The following PLEKHB1 variants were observed in gnomAD, a reference collection of about 807,000 sequenced individuals.
The protein encoded by PLEKHB1 is pleckstrin homology domain containing B1.
A neutral mutation model predicts 36.2 loss-of-function variants in PLEKHB1; 29 were observed. The ratio of observed to expected loss-of-function variants is 0.80; its 90% CI spans 0.60 to 1.09. The LOEUF is 1.09. PLEKHB1 is among the 50% of genes least tolerant of loss of function. The probability of loss-of-function intolerance (pLI) is 0.00; values close to 1 mark genes in which losing one functional copy is unlikely to be tolerated. For missense variants in PLEKHB1, 330 were observed against 348.2 expected, an observed-to-expected ratio of 0.95 and a Z score of 0.42; for synonymous variants, 138 against 140.0, an observed-to-expected ratio of 0.99 and a Z score of 0.10.
chr11:73,651,454 G>A (rs537297891), intron 3 of PLEKHB1: 68 of 514,716 alleles, frequency 1.3e-4, no homozygotes, highest in South Asian at 8.8e-4. Context: ...CCCTCCAGGC[G>A]CTCGGTACTG....
At chr11:73,651,284 G>C (rs543823048) in intron 3 of PLEKHB1, 1 of 380,008 alleles carries the variant, frequency 2.6e-6, no homozygotes, top group Non-Finnish European at 5.3e-6. Context: ...TTGAGCCTGG[G>C]AGGCAGAGGT....
chr11:73,654,067 G>A (rs1367387767), intron 5 of PLEKHB1, among the ~76,000 whole-genome samples: 10 of 151,992 alleles, frequency 6.6e-5, no homozygotes, highest in Admixed American at 1.3e-4. Flanking sequence ...GGTAGGGAAT[G>A]GATTATAGAG....
At chr11:73,651,501 C>T in intron 3 of PLEKHB1, 2 of 603,172 alleles carry the variant, frequency 3.3e-6, no homozygotes, top group South Asian at 1.5e-5. Context: ...CCCAGAGAAG[C>T]GAAGTGGCCC....
At chr11:73,651,590 G>C in intron 3 of PLEKHB1, 198 bp from the exon 4 acceptor site, 1 of 665,374 alleles carries the variant, frequency 1.5e-6, no homozygotes, top group East Asian at 2.8e-5. Context: ...GGTGTGCTGA[G>C]GGAAGCCTCA....
At chr11:73,658,260 G>A (rs1265485379) in intron 6 of PLEKHB1, among the ~76,000 whole-genome samples, 1 of 152,194 alleles carries the variant, frequency 6.6e-6, no homozygotes, top group Non-Finnish European at 1.5e-5. Flanking sequence ...CCCTAGCAAA[G>A]GAAAATGGCA....
rs2134835704 is a variant in PLEKHB1, at chr11:73,661,792, G to T, written c.*190G>T. 1 of 679,790 alleles carries T rather than the reference G, an allele frequency of 1.5e-6. No homozygotes were observed. Among genetic ancestry groups the T allele is most frequent in the Non-Finnish European group, 2.3e-6 (1 of 431,976 alleles). 42.1% of individuals were successfully genotyped at this position (679,790 alleles called of 1,614,324 possible). On this transcript the variant is annotated 3_prime_UTR_variant, in exon 8 of 8. Transcript: ENST00000354190. This position sits in a 1 kb window ranked among gnomAD's most constrained non-coding sequence, Gnocchi z 4.6. ...ACATGGGAAGAAGCTATCATCACAG[G>T]TACAAACATCGCTTGAAGTCTTCAC...
chr11:73,661,833 C>T lies in PLEKHB1; in HGVS notation c.*231C>T. 1.9e-6 allele frequency: 1 copy of T among 516,908 alleles called. No homozygotes were observed. The highest frequency in any genetic ancestry group is 3.3e-6 in the Non-Finnish European group (1 of 299,106). The allele number at this position is 516,908 out of a possible 1,614,324, so 32.0% of individuals were successfully genotyped here. A position where few individuals can be genotyped will look rare whatever the true frequency, so the allele number is the denominator to read the frequency against. On this transcript the variant is annotated 3_prime_UTR_variant, in exon 8 of 8. Coordinates refer to ENST00000354190, the MANE Select transcript of PLEKHB1 (RefSeq NM_021200.3). This position sits in a 1 kb window ranked among gnomAD's most constrained non-coding sequence, Gnocchi z 4.6. ...AAGTCTTCACATCTACCACTAGACA[C>T]CCCCAAAATCTGTTATAGACATTTA...
intron 4 of PLEKHB1, 191 bp downstream of exon 4, chr11:73,652,081 C>T: frequency 1.7e-6 from 1 of 598,248 alleles, no homozygotes. Context: ...ACAGTGAACT[C>T]CTCATGTGGT....
rs1944896789 is a variant in PLEKHB1 at position 73,651,651 on chromosome 11, GTA to G, written c.248-133_248-132del. The G allele has an allele frequency of 7.2e-6, 5 of 694,686 alleles. No homozygotes were observed. The East Asian group carries it at 1.4e-4, about 19-fold the overall frequency. 43.0% of individuals were successfully genotyped at this position (694,686 alleles called of 1,614,324 possible). A position where few individuals can be genotyped will look rare whatever the true frequency, so the allele number is the denominator to read the frequency against. Reference sequence around the variant, plus strand: ...AACGTAGAGTGGAATCCCTCAGAGAGTATATGGGATCAGAGGAGGTTGGCAGT... The same window carrying G: ...AACGTAGAGTGGAATCCCTCAGAGAGTATGGGATCAGAGGAGGTTGGCAGT... On this transcript the variant is annotated intron_variant, in intron 3 of 7. Transcript: ENST00000354190.
In PLEKHB1 at chr11:73,651,776, G is replaced by A. The variant is rs760534135; in HGVS notation, c.248-12G>A. On this transcript the variant is annotated splice_polypyrimidine_tract_variant and intron_variant, in intron 3 of 7. Coordinates refer to ENST00000354190, the MANE Select transcript of PLEKHB1 (RefSeq NM_021200.3). ...TGCCTGTGGAAACCCATATATGTGT[G>A]TCTGCTTCCAGATGTGCAGCCCCCA... 1.2e-6 allele frequency: 2 copies of A among 1,610,772 alleles called. No individual in the cohort carries two copies. Among genetic ancestry groups the A allele is most frequent in the South Asian group, 2.2e-5 (2 of 90,662 alleles).
intron 6 of PLEKHB1, among the ~76,000 whole-genome samples, chr11:73,660,084 T>C (rs1355726594): frequency 6.6e-6 from 1 of 152,246 alleles, no homozygotes; most frequent in African/African-American, 2.4e-5. Context: ...ATTAGTTAGA[T>C]AACAAATACC....
chr11:73,661,683 A>G lies in PLEKHB1; in HGVS notation c.*81A>G, dbSNP rs1945127621. The G allele has an allele frequency of 1.1e-5, 16 of 1,465,386 alleles. No individual in the cohort carries two copies. The highest frequency in any genetic ancestry group is 1.4e-5 in the African/African-American group (1 of 69,484). 90.8% of individuals were successfully genotyped at this position (1,465,386 alleles called of 1,614,324 possible). On this transcript the variant is annotated 3_prime_UTR_variant, in exon 8 of 8. Coordinates refer to ENST00000354190, the MANE Select transcript of PLEKHB1 (RefSeq NM_021200.3). This position sits in a 1 kb window ranked among gnomAD's most constrained non-coding sequence, Gnocchi z 4.6. ...CCTGGACCCCATCCTCTACCATCCA[A>G]GCCCTGTCCCACTTTGGCCCTATCC...
rs777506002 is a variant in PLEKHB1, at chr11:73,660,837, G to T, written c.580G>T (p.Gly194Ter). The change falls in exon 7 of 8, where the codon GGA (glycine) becomes TGA (stop). Residue 194 changes from glycine to a stop codon, truncating the protein, a stop_gained. Coordinates refer to ENST00000354190, the MANE Select transcript of PLEKHB1 (RefSeq NM_021200.3). LOFTEE classifies it high-confidence loss of function. ...HEATYVRSYY[G>*]PPYAGPGVTH... ...GGCCACGTATGTCCGCAGCTACTAC[G>T]GACCGCCCTACGCAGGTAAGTCTCC... 2 of 1,591,482 alleles carry T rather than the reference G, an allele frequency of 1.3e-6. No individual in the cohort carries two copies. The highest frequency in any genetic ancestry group is 1.7e-6 in the Non-Finnish European group (2 of 1,171,578).
At position 73,661,361 on chromosome 11, in the gene PLEKHB1, T is replaced by G. The variant is rs1295574351; in HGVS notation, c.596-105T>G. On this transcript the variant is annotated intron_variant, in intron 7 of 7. Transcript: ENST00000354190. This position sits in a 1 kb window ranked among gnomAD's most constrained non-coding sequence, Gnocchi z 4.6. The stretch of plus-strand genomic sequence containing the variant: ...TTTGACTGGGGAGCAGGAGAGTGGG[T>G]TCGGCGCCTTACACTGGGTTGGGCT... 1.5e-6 allele frequency: 2 copies of G among 1,313,570 alleles called. No homozygotes were observed. Among genetic ancestry groups the G allele is most frequent in the Non-Finnish European group, 2.1e-6 (2 of 935,316 alleles). The allele number at this position is 1,313,570 out of a possible 1,614,324, so 81.4% of individuals were successfully genotyped here.
Position 73,646,589 on chromosome 11 carries a change from G to T in PLEKHB1, c.-20G>T. 1 of 1,551,516 alleles carries T rather than the reference G, an allele frequency of 6.4e-7. No individual in the cohort carries two copies. The highest frequency in any genetic ancestry group is 8.7e-7 in the Non-Finnish European group (1 of 1,146,944). On this transcript the variant is annotated 5_prime_UTR_variant, in exon 1 of 8. Transcript: ENST00000354190. ...CTGCGGGAGCCTTCTGGGAAATGCTGCCCTGGCCACCCAGGAACCATGAGC... is the reference window on the plus strand; with the variant it reads ...CTGCGGGAGCCTTCTGGGAAATGCTTCCCTGGCCACCCAGGAACCATGAGC...
In PLEKHB1 at chr11:73,661,625, C is replaced by T; in HGVS notation, c.*23C>T. 3.2e-6 allele frequency: 5 copies of T among 1,548,606 alleles called. No individual in the cohort carries two copies. Among genetic ancestry groups the T allele is most frequent in the Non-Finnish European group, 4.3e-6 (5 of 1,150,772 alleles). The stretch of plus-strand genomic sequence containing the variant: ...TGAGCCCTGGGACTCGGAGCACTGA[C>T]CCCTGCGCTTGGATTGCTAGACTCC... On this transcript the variant is annotated 3_prime_UTR_variant, in exon 8 of 8. Transcript: ENST00000354190. The surrounding 1 kb of genome is among the most constrained non-coding windows in gnomAD (Gnocchi z 4.6).
chr11:73,650,275 A>G (rs570469919), intron 2 of PLEKHB1, among the ~76,000 whole-genome samples: 1 of 152,274 alleles, frequency 6.6e-6, no homozygotes, highest in African/African-American at 2.4e-5. Flanking sequence ...CCTTGAAGAG[A>G]CCTGGGGCTT....
chr11:73,651,851 G>A lies in PLEKHB1; in HGVS notation c.311G>A (p.Gly104Asp). The change falls in exon 4 of 8, where the codon GGC (glycine) becomes GAC (aspartate). Residue 104 changes from glycine (G) to aspartate (D), a missense_variant. Physicochemically the swap from Gly to Asp is moderately conservative, Grantham distance 94 (BLOSUM62 -1). Transcript: ENST00000354190. ...CTGACTGTGAACCTACGGGAAGGCG[G>A]CCGCCTGCACCTCTGTGCGGAGACC... is the stretch of plus-strand genomic sequence containing the variant. ...GLLTVNLREGGRLHLCAETKD... is the reference protein window; with the variant it reads ...GLLTVNLREGDRLHLCAETKD... 1 of 1,613,562 alleles carries A rather than the reference G, an allele frequency of 6.2e-7. No individual in the cohort carries two copies. The highest frequency in any genetic ancestry group is 8.5e-7 in the Non-Finnish European group (1 of 1,179,868).
chr11:73,650,754 T>C (rs1944874838), intron 3 of PLEKHB1, 49 bp downstream of exon 3: 3 of 1,509,556 alleles, frequency 2.0e-6, no homozygotes, highest in Non-Finnish European at 2.7e-6. Flanking sequence ...GGGCAGAGCC[T>C]CCCGCTGTCT....
Sources: allele counts gnomAD v4.1 joint callset (sites outside exome capture counted in the v4.1 genomes callset), GRCh38; gene constraint gnomAD v4.1.1; non-coding constraint Gnocchi (gnomAD v3.1); transcripts MANE v1.5; gene names NCBI Gene and HGNC (gene_info 2026-07-23, HGNC 2026-07-21).